Variants in CCNB2 observed in about 807,000 individuals in gnomAD.
The protein encoded by CCNB2 is G2/mitotic-specific cyclin-B2.
In CCNB2, 39 loss-of-function variants were observed where a neutral mutation model predicts 51.1. The observed-to-expected ratio is 0.76, with a 90% CI of 0.59 to 1.00. The LOEUF (loss-of-function observed/expected upper bound fraction) is 1.00, where lower values mean the gene tolerates loss of function less well. CCNB2 is among the 50% of genes least tolerant of loss of function. The pLI, the probability that CCNB2 is intolerant of heterozygous loss-of-function variation, is 0.00. For missense variants in CCNB2, 472 were observed against 470.3 expected, an observed-to-expected ratio of 1.00 and a Z score of -0.03; for synonymous variants, 174 against 165.5, an observed-to-expected ratio of 1.05 and a Z score of -0.40.
intron 7 of CCNB2, among the ~76,000 whole-genome samples, chr15:59,123,094 CTGTT>C (rs1345221886): frequency 1.3e-5 from 2 of 152,184 alleles, no homozygotes; most frequent in Non-Finnish European, 2.9e-5. Flanking sequence ...GACAGTATGT[CTGTT>C]TGGGCTCTTG....
intron 5 of CCNB2, chr15:59,116,185 A>G (rs570593003): frequency 1.3e-5 from 2 of 153,124 alleles, no homozygotes; most frequent in Non-Finnish European, 2.9e-5. Flanking sequence ...AATAATGGGT[A>G]TGCTTTTGGT....
intron 5 of CCNB2, among the ~76,000 whole-genome samples, chr15:59,116,469 T>C (rs1326043621): frequency 6.6e-6 from 1 of 152,180 alleles, no homozygotes; most frequent in African/African-American, 2.4e-5. Context: ...TTTATGAGGA[T>C]TGGGTGAGAT....
chr15:59,115,057 C>G (rs567840633), intron 5 of CCNB2, among the ~76,000 whole-genome samples, 181 bp downstream of exon 5: 1 of 152,138 alleles, frequency 6.6e-6, no homozygotes, highest in South Asian at 2.1e-4. Flanking sequence ...TTTGATGATG[C>G]GGACCAATAA....
Position 59,118,153 on chromosome 15 carries a change from G to A in CCNB2, c.975+785G>A, listed in dbSNP as rs932251102. Among the ~76,000 whole-genome samples the A allele has an allele frequency of 2.6e-5, 4 of 152,242 alleles. No homozygotes were observed. The South Asian group carries it at 8.3e-4, about 31-fold the overall frequency. ...GGCCAAGGCCTGACTGATTTAGCCA[G>A]TAAGAATAGAATGAGCCACTTGTAG... On this transcript the variant is annotated intron_variant, in intron 7 of 8. Transcript: ENST00000288207.
At chr15:59,109,315 T>C (rs1182770938) in intron 3 of CCNB2, among the ~76,000 whole-genome samples, 2 of 152,164 alleles carry the variant, frequency 1.3e-5, no homozygotes, top group African/African-American at 4.8e-5. Context: ...TGTGAGCCAC[T>C]GCGCCTGGCG....
intron 7 of CCNB2, among the ~76,000 whole-genome samples, chr15:59,117,635 A>C (rs2079284668): frequency 6.6e-6 from 1 of 152,078 alleles, no homozygotes; most frequent in Non-Finnish European, 1.5e-5. Flanking sequence ...TGCCTCGCTA[A>C]TTTTTGTAAA....
At chr15:59,123,285 C>T (rs2079311145) in intron 7 of CCNB2, among the ~76,000 whole-genome samples, 1 of 152,174 alleles carries the variant, frequency 6.6e-6, no homozygotes, top group Non-Finnish European at 1.5e-5. Context: ...ACCTTTGGCA[C>T]TTGATTTAGT....
intron 7 of CCNB2, among the ~76,000 whole-genome samples, chr15:59,122,523 CCTT>C (rs1340699341): frequency 6.7e-6 from 1 of 149,440 alleles, no homozygotes; most frequent in East Asian, 1.9e-4. Context: ...CTGCGCCTGG[CCTT>C]TTTTTTTTTT....
intron 3 of CCNB2, among the ~76,000 whole-genome samples, chr15:59,108,924 C>A (rs1434586854): frequency 6.6e-6 from 1 of 152,170 alleles, no homozygotes; most frequent in African/African-American, 2.4e-5. Flanking sequence ...TAACAGTGAC[C>A]TCCTGAAAGC....
intron 3 of CCNB2, among the ~76,000 whole-genome samples, chr15:59,109,892 A>T (rs1160894264): frequency 6.6e-6 from 1 of 152,290 alleles, no homozygotes; most frequent in South Asian, 2.1e-4. Flanking sequence ...AGGCTGAGGC[A>T]GGAGAATGGC....
At chr15:59,111,856 C>CTTTTTTTTTTTT (rs11327656) in intron 3 of CCNB2, among the ~76,000 whole-genome samples, 1 of 133,982 alleles carries the variant, frequency 7.5e-6, no homozygotes, top group Non-Finnish European at 1.6e-5. Context: ...TTCTTTCTTT[C>CTTTTTTTTTTTT]TTTTTTTTTT....
chr15:59,122,239 A>ATTTTTTTTTTTT (rs1330208146), intron 7 of CCNB2, among the ~76,000 whole-genome samples: 4 of 97,434 alleles, frequency 4.1e-5, no homozygotes, highest in African/African-American at 1.2e-4. Flanking sequence ...CAGTTGACAT[A>ATTTTTTTTTTTT]TCTTTTTTTT....
At chr15:59,122,239 A>ATTTTTTT (rs1330208146) in intron 7 of CCNB2, among the ~76,000 whole-genome samples, 7 of 97,460 alleles carry the variant, frequency 7.2e-5, no homozygotes, top group South Asian at 3.0e-4. Context: ...CAGTTGACAT[A>ATTTTTTT]TCTTTTTTTT....
chr15:59,114,745 T>G lies in CCNB2; in HGVS notation c.466T>G (p.Leu156Val), dbSNP rs770999254. The change falls in exon 5 of 9, where the codon TTA becomes GTA. Residue 156 changes from leucine (L) to valine (V), a missense_variant. By Grantham distance (32) the Leu-to-Val change is conservative. Transcript: ENST00000288207. ...TTTGCAGTCCATAAACCCACATTTCTTAGATGGAAGAGATATAAATGGACG... is the reference window on the plus strand; with the variant it reads ...TTTGCAGTCCATAAACCCACATTTCGTAGATGGAAGAGATATAAATGGACG... ...EVLQSINPHF[L>V]DGRDINGRMR... The G allele has an allele frequency of 4.3e-6, 7 of 1,612,900 alleles. No individual in the cohort carries two copies. Among genetic ancestry groups the G allele is most frequent in the Non-Finnish European group, 5.9e-6 (7 of 1,179,050 alleles).
At chr15:59,106,245 G>T (rs1050785891) in intron 1 of CCNB2, among the ~76,000 whole-genome samples, 2 of 152,186 alleles carry the variant, frequency 1.3e-5, no homozygotes, top group East Asian at 3.8e-4. Flanking sequence ...AGAAATTGAA[G>T]TGTGACTTTT....
At position 59,121,960 on chromosome 15, in the gene CCNB2, AAGG is replaced by A. The variant is rs1236310369; in HGVS notation, c.976-1554_976-1552del. Among the ~76,000 whole-genome samples the A allele has an allele frequency of 9.1e-3, 1,299 of 142,852 alleles. 14 individuals are homozygous for A. Among genetic ancestry groups the A allele is most frequent in the African/African-American group, 0.014 (531 of 37,844 alleles). The allele number at this position is 142,852 out of a possible 152,430, so 93.7% of individuals were successfully genotyped here. ...AAAAAAAAAAAAAAAAAAAAAAAAAAAGGAGAAATTACCCAGGCATGGTGGCAT... is the reference window on the plus strand; with the variant it reads ...AAAAAAAAAAAAAAAAAAAAAAAAAAAGAAATTACCCAGGCATGGTGGCAT... On this transcript the variant is annotated intron_variant, in intron 7 of 8. Transcript: ENST00000288207.
Position 59,105,209 on chromosome 15 carries a change from C to A in CCNB2, c.-60C>A, listed in dbSNP as rs28383493. The A allele has an allele frequency of 6.6e-7, 1 of 1,524,654 alleles. No individual in the cohort carries two copies. The highest frequency in any genetic ancestry group is 1.2e-5 in the South Asian group (1 of 83,354). 94.4% of individuals were successfully genotyped at this position (1,524,654 alleles called of 1,614,324 possible). A position where few individuals can be genotyped will look rare whatever the true frequency, so the allele number is the denominator to read the frequency against. On this transcript the variant is annotated 5_prime_UTR_variant, in exon 1 of 9. Transcript: ENST00000288207. ...ACGGCGCCTCGTACGCTAGTGTCCT[C>A]CCTTTTCAGTCCGCGTCCCTCCCTG...
intron 3 of CCNB2, among the ~76,000 whole-genome samples, chr15:59,111,987 G>C (rs2079259491): frequency 6.6e-6 from 1 of 151,768 alleles, no homozygotes; most frequent in Non-Finnish European, 1.5e-5. Context: ...AAGTAGTTGG[G>C]ACAACAAGTG....
intron 3 of CCNB2, among the ~76,000 whole-genome samples, chr15:59,113,712 A>G (rs1361048610): frequency 6.6e-6 from 1 of 152,016 alleles, no homozygotes; most frequent in African/African-American, 2.4e-5. Context: ...GCAGGTGATA[A>G]TTTTGTTTTT....
Sources: gnomAD v4.1 joint callset for allele counts (sites outside exome capture counted in the v4.1 genomes callset) on GRCh38, gnomAD v4.1.1 for gene constraint, MANE v1.5 for transcripts, NCBI Gene and HGNC (gene_info 2026-07-23, HGNC 2026-07-21) for gene names.